Variants in CDH1 observed in about 807,000 individuals in gnomAD.
The protein encoded by CDH1 is cadherin 1, also known as cadherin-1.
In CDH1, 35 loss-of-function variants were observed where a neutral mutation model predicts 84.5. That is an observed-to-expected ratio of 0.41 (90% CI 0.32 to 0.55). The LOEUF is 0.55. CDH1 is among the 20% of genes least tolerant of loss of function. The probability of loss-of-function intolerance (pLI) is 0.19; values close to 1 mark genes in which losing one functional copy is unlikely to be tolerated. For synonymous variants in CDH1, 417 were observed against 439.0 expected, an observed-to-expected ratio of 0.95 and a Z score of 0.63; for missense variants, 994 against 1,126.6, an observed-to-expected ratio of 0.88 and a Z score of 1.68.
At chr16:68,741,659 A>C (rs1210077637) in intron 2 of CDH1, among the ~76,000 whole-genome samples, 1 of 152,078 alleles carries the variant, frequency 6.6e-6, no homozygotes, top group Non-Finnish European at 1.5e-5. Context: ...AAAAAAAAAA[A>C]AAACCAAACT....
chr16:68,737,542 CCG>C (rs1962432872), intron 1 of CDH1, 79 bp downstream of exon 1: 1 of 474,186 alleles, frequency 2.1e-6, no homozygotes, highest in Non-Finnish European at 3.4e-6. Flanking sequence ...CCTTCCTCTC[CCG>C]TCGTCACCGC....
At chr16:68,748,117 T>TC (rs1389408122) in intron 2 of CDH1, among the ~76,000 whole-genome samples, 1 of 147,808 alleles carries the variant, frequency 6.8e-6, no homozygotes, top group Non-Finnish European at 1.5e-5. Flanking sequence ...TTTACTTTTT[T>TC]TTTTTTTTTT....
At chr16:68,745,175 T>C (rs1244490742) in intron 2 of CDH1, among the ~76,000 whole-genome samples, 3 of 151,458 alleles carry the variant, frequency 2.0e-5, no homozygotes, top group Non-Finnish European at 4.4e-5. Flanking sequence ...CAGCTTCTGC[T>C]TGGCTTTTAA....
intron 2 of CDH1, among the ~76,000 whole-genome samples, chr16:68,791,808 TC>T (rs1732812991): frequency 6.6e-6 from 1 of 152,214 alleles, no homozygotes; most frequent in Non-Finnish European, 1.5e-5. Flanking sequence ...GCTGTATTTC[TC>T]AGGCCTTAGG....
At chr16:68,823,374 C>G (rs201760019) in intron 12 of CDH1, 25 bp from the exon 13 acceptor site, 10 of 1,524,150 alleles carry the variant, frequency 6.6e-6, no homozygotes, top group Non-Finnish European at 9.1e-6. Context: ...CTGGTCTCAT[C>G]ATTTCTTTTT....
intron 2 of CDH1, among the ~76,000 whole-genome samples, chr16:68,752,910 T>C (rs963767193): frequency 2.1e-4 from 32 of 152,272 alleles, no homozygotes; most frequent in African/African-American, 6.5e-4. Context: ...GGCTCTCAGA[T>C]ACACCCAACA....
chr16:68,755,465 C>T (rs1962995161), intron 2 of CDH1, among the ~76,000 whole-genome samples: 1 of 151,100 alleles, frequency 6.6e-6, no homozygotes, highest in Admixed American at 6.6e-5. Flanking sequence ...AGGCTAGTCT[C>T]GAACTCCTGA....
chr16:68,764,083 G>A (rs935598367), intron 2 of CDH1, among the ~76,000 whole-genome samples: 27 of 152,124 alleles, frequency 1.8e-4, no homozygotes, highest in African/African-American at 6.5e-4. Context: ...GGGTTTTTTT[G>A]TTTGTTTACT....
In CDH1 at chr16:68,815,505, T is replaced by C. The variant is rs1597897718; in HGVS notation, c.1321-10T>C. ...GTTTTGTTTTTAACTTCATTGTTTC[T>C]GCTCTCTAGGGCTTGGATTTTGAGG... is the stretch of plus-strand genomic sequence containing the variant. On this transcript the variant is annotated splice_polypyrimidine_tract_variant and intron_variant, in intron 9 of 15. Coordinates refer to ENST00000261769, the MANE Select transcript of CDH1 (RefSeq NM_004360.5). 1.2e-6 allele frequency: 2 copies of C among 1,614,242 alleles called. No homozygotes were observed. The highest frequency in any genetic ancestry group is 2.7e-5 in the African/African-American group (2 of 75,068).
At chr16:68,737,518 C>CCCAGCCCCGTGCT in intron 1 of CDH1, 55 bp downstream of exon 1, 1 of 1,456,700 alleles carries the variant, frequency 6.9e-7, no homozygotes, top group Non-Finnish European at 9.3e-7. Context: ...AGCTCCGCGC[C>CCCAGCCCCGTGCT]CCAGCCCTGC....
rs568366220 is a variant in CDH1 at position 68,834,653 on chromosome 16, T to G, written c.*1154T>G. ...GTCTGGCCACATCTTGACTAGGTAT[T>G]GTCTACTCTGAAGACCTTTAATGGC... On this transcript the variant is annotated 3_prime_UTR_variant, in exon 16 of 16. Transcript: ENST00000261769. The G allele has an allele frequency of 5.0e-5, 12 of 242,006 alleles. No homozygotes were observed. The South Asian group carries it at 1.3e-3, about 27-fold the overall frequency. The allele number at this position is 242,006 out of a possible 1,614,324, so 15.0% of individuals were successfully genotyped here. A position where few individuals can be genotyped will look rare whatever the true frequency, so the allele number is the denominator to read the frequency against.
chr16:68,776,861 C>T (rs932021761), intron 2 of CDH1, among the ~76,000 whole-genome samples: 1 of 152,164 alleles, frequency 6.6e-6, no homozygotes, highest in Non-Finnish European at 1.5e-5. Context: ...TCACGACAGT[C>T]CTGTTATTTA....
At chr16:68,807,738 T>C (rs1960703113) in intron 3 of CDH1, among the ~76,000 whole-genome samples, 1 of 152,036 alleles carries the variant, frequency 6.6e-6, no homozygotes. Context: ...TATTCAGTTG[T>C]TGAGTAAGCT....
intron 2 of CDH1, among the ~76,000 whole-genome samples, chr16:68,747,584 A>T (rs1324059854): frequency 6.6e-6 from 1 of 152,156 alleles, no homozygotes; most frequent in East Asian, 1.9e-4. Context: ...AACAGATTTC[A>T]TTAGTCTCTT....
rs1486542814 is a variant in CDH1, at chr16:68,760,086, A to ATATT, written c.163+21676_163+21677insATTT. ...CTTGTAAAGTATTCCATATATATAT[A>ATATT]TTTTTTTTTTTTTTTTAATTTTTTT... On this transcript the variant is annotated intron_variant, in intron 2 of 15. Coordinates refer to ENST00000261769, the MANE Select transcript of CDH1 (RefSeq NM_004360.5). Among the ~76,000 whole-genome samples the ATATT allele has an allele frequency of 7.3e-3, 894 of 122,108 alleles. 7 individuals are homozygous for ATATT. Among genetic ancestry groups the ATATT allele is most frequent in the Non-Finnish European group, 0.012 (676 of 57,088 alleles). The allele number at this position is 122,108 out of a possible 152,430, so 80.1% of individuals were successfully genotyped here.
chr16:68,813,614 C>T (rs1158693981), intron 9 of CDH1, 119 bp downstream of exon 9: 3 of 977,662 alleles, frequency 3.1e-6, no homozygotes, highest in African/African-American at 3.2e-5. Flanking sequence ...GTGACTTTCC[C>T]AGATTGTAGT....
intron 2 of CDH1, among the ~76,000 whole-genome samples, chr16:68,750,228 C>G (rs1459351440): frequency 7.0e-6 from 1 of 143,702 alleles, no homozygotes; most frequent in Non-Finnish European, 1.5e-5. Context: ...TTGACCTTCA[C>G]TTCCAAATAA....
intron 2 of CDH1, among the ~76,000 whole-genome samples, chr16:68,754,300 A>G (rs1207623361): frequency 2.0e-5 from 3 of 151,870 alleles, no homozygotes; most frequent in Admixed American, 6.6e-5. Flanking sequence ...AGACCCAGCT[A>G]CCTGGGAGGC....
chr16:68,786,334 G>C (rs1163212669), intron 2 of CDH1, among the ~76,000 whole-genome samples: 1 of 151,708 alleles, frequency 6.6e-6, no homozygotes, highest in African/African-American at 2.4e-5. Flanking sequence ...ACCATGCCTG[G>C]CTTGTTTTTG....
Sources: allele counts gnomAD v4.1 joint callset (sites outside exome capture counted in the v4.1 genomes callset), GRCh38; gene constraint gnomAD v4.1.1; transcripts MANE v1.5; gene names NCBI Gene and HGNC (gene_info 2026-07-23, HGNC 2026-07-21).